Variants in IL17RE observed in about 807,000 individuals in gnomAD.
IL17RE encodes the protein interleukin-17 receptor E.
Under a neutral mutation model 70.7 loss-of-function variants are expected in IL17RE, and 47 were observed. That is an observed-to-expected ratio of 0.67 (90% CI 0.53 to 0.85). The LOEUF is 0.85. Ranked by LOEUF, IL17RE falls within the 40% of genes least tolerant of loss-of-function variation. The pLI, the probability that IL17RE is intolerant of heterozygous loss-of-function variation, is 0.00. For missense variants in IL17RE, 850 were observed against 893.9 expected (o/e 0.95, Z 0.63); for synonymous variants, 372 against 381.2 (o/e 0.98, Z 0.28).
At chr3:9,906,589 T>A in intron 4 of IL17RE, 117 bp from the exon 5 acceptor site, 1 of 1,379,754 alleles carries the variant, frequency 7.2e-7, no homozygotes, top group Non-Finnish European at 1.0e-6. Flanking sequence ...ATTACACAGC[T>A]AGGGAGGCCA....
chr3:9,913,262 G>C (rs761492168), intron 12 of IL17RE, among the ~76,000 whole-genome samples: 6 of 151,948 alleles, frequency 3.9e-5, no homozygotes, highest in Non-Finnish European at 7.4e-5. Context: ...AAATTAGCTG[G>C]GCATGGTGGC....
chr3:9,902,810 G>C, upstream of IL17RE: 3 of 1,575,986 alleles, frequency 1.9e-6, no homozygotes, highest in South Asian at 3.5e-5. Context: ...GGCAGGGCGG[G>C]GCCAGGGCAG....
Position 9,914,473 on chromosome 3 carries a change from A to T in IL17RE, c.1297-75A>T, listed in dbSNP as rs569387142. 2.8e-4 allele frequency: 441 copies of T among 1,593,624 alleles called. 7 individuals are homozygous for T. In the South Asian group the frequency reaches 3.1e-3, roughly 11 times the overall value. On this transcript the variant is annotated intron_variant, in intron 13 of 15. Coordinates refer to ENST00000383814, the MANE Select transcript of IL17RE (RefSeq NM_153480.2). ...GCCAGTGGGGACTCCCCTCTCCCCCAGCTCCATGCTTCACTCAGCTCCCCG... is the reference window on the plus strand; with the variant it reads ...GCCAGTGGGGACTCCCCTCTCCCCCTGCTCCATGCTTCACTCAGCTCCCCG...
At chr3:9,907,552 A>G (rs983905634) in intron 6 of IL17RE, among the ~76,000 whole-genome samples, 8 of 152,298 alleles carry the variant, frequency 5.3e-5, no homozygotes, top group Middle Eastern at 3.4e-3. Context: ...TTTACCCCCA[A>G]TGAGAGGATC....
intron 7 of IL17RE, 60 bp from the exon 8 acceptor site, chr3:9,909,157 T>A (rs2082829472): frequency 7.2e-7 from 1 of 1,396,236 alleles, no homozygotes; most frequent in Non-Finnish European, 1.0e-6. Context: ...GAGTTTTAGG[T>A]CTGAGTGAGA....
In IL17RE at chr3:9,916,288, CT is replaced by C; in HGVS notation, c.*485del. 1 of 108,556 alleles carries C rather than the reference CT, an allele frequency of 9.2e-6. No individual in the cohort carries two copies. The highest frequency in any genetic ancestry group is 1.7e-5 in the Non-Finnish European group (1 of 59,578). The allele number at this position is 108,556 out of a possible 1,614,324, so 6.7% of individuals were successfully genotyped here. On this transcript the variant is annotated 3_prime_UTR_variant, in exon 16 of 16. Transcript: ENST00000383814. ...AGGACTCTGGACCTAGGAAAAGAGGCTTTTGGCTCCAGGTGGTCAGGACAGT... is the reference window on the plus strand; with the variant it reads ...AGGACTCTGGACCTAGGAAAAGAGGCTTTGGCTCCAGGTGGTCAGGACAGT...
At chr3:9,913,854 T>G in intron 12 of IL17RE, 102 bp from the exon 13 acceptor site, 1 of 905,070 alleles carries the variant, frequency 1.1e-6, no homozygotes, top group Non-Finnish European at 1.8e-6. Context: ...CCTCGTAGGA[T>G]TGGGGGTGTG....
chr3:9,908,892 G>T (rs1471529226), intron 7 of IL17RE, among the ~76,000 whole-genome samples: 3 of 152,204 alleles, frequency 2.0e-5, no homozygotes, highest in African/African-American at 7.2e-5. Context: ...CCAACACAGA[G>T]CACTGGGTGC....
chr3:9,906,332 G>A (rs1219161931), intron 3 of IL17RE, 32 bp from the exon 4 acceptor site: 1 of 1,367,306 alleles, frequency 7.3e-7, no homozygotes, highest in Non-Finnish European at 1.0e-6. Flanking sequence ...GGGTAATGAG[G>A]GCTAGATAGT....
chr3:9,911,785 ATTTTCTTTT>A (rs374435682), intron 12 of IL17RE, 188 bp downstream of exon 12: 9 of 495,864 alleles, frequency 1.8e-5, no homozygotes, highest in African/African-American at 1.2e-4. Context: ...TCAAGGGAGC[ATTTTCTTTT>A]TTTTCTTTTT....
At position 9,915,915 on chromosome 3, in the gene IL17RE, C is replaced by G; in HGVS notation, c.*108C>G. 1 of 1,339,850 alleles carries G rather than the reference C, an allele frequency of 7.5e-7. No individual in the cohort carries two copies. The highest frequency in any genetic ancestry group is 9.5e-7 in the Non-Finnish European group (1 of 1,047,122). The allele number at this position is 1,339,850 out of a possible 1,614,324, so 83.0% of individuals were successfully genotyped here. A position where few individuals can be genotyped will look rare whatever the true frequency, so the allele number is the denominator to read the frequency against. ...TGAAATCCTTGGGGTGCCTCGAGGA[C>G]GACTGGCCGAAAAGCCGCATTCCCT... On this transcript the variant is annotated 3_prime_UTR_variant, in exon 16 of 16. Coordinates refer to ENST00000383814, the MANE Select transcript of IL17RE (RefSeq NM_153480.2). The surrounding 1 kb of genome is among the most constrained non-coding windows in gnomAD (Gnocchi z 4.9).
chr3:9,908,937 C>G (rs2082823432), intron 7 of IL17RE, among the ~76,000 whole-genome samples: 1 of 152,092 alleles, frequency 6.6e-6, no homozygotes, highest in Non-Finnish European at 1.5e-5. Flanking sequence ...CCAGAGAAGA[C>G]CAAAGCTGAG....
At chr3:9,909,321 C>T (rs950808233) in intron 8 of IL17RE, 38 bp downstream of exon 8, 2 of 1,540,920 alleles carry the variant, frequency 1.3e-6, no homozygotes, top group South Asian at 1.1e-5. Flanking sequence ...GCACACACAT[C>T]CCCTTTCTCT....
At chr3:9,913,594 G>T (rs1421479476) in intron 12 of IL17RE, among the ~76,000 whole-genome samples, 1 of 152,170 alleles carries the variant, frequency 6.6e-6, no homozygotes, top group African/African-American at 2.4e-5. Context: ...TCTTTTCAAT[G>T]ATATGTTTTG....
chr3:9,910,770 T>G, intron 8 of IL17RE, 95 bp from the exon 9 acceptor site: 1 of 1,115,386 alleles, frequency 9.0e-7, no homozygotes, highest in Non-Finnish European at 1.3e-6. Context: ...TGGTTACTTT[T>G]ACAAACATTA....
At position 9,902,926 on chromosome 3, in the gene IL17RE, G is replaced by A. The variant is rs2082668733; in HGVS notation, c.-7G>A. 2 of 1,614,126 alleles carry A rather than the reference G, an allele frequency of 1.2e-6. No individual in the cohort carries two copies. The highest frequency in any genetic ancestry group is 1.7e-5 in the Admixed American group (1 of 60,012). On this transcript the variant is annotated 5_prime_UTR_variant, in exon 1 of 16. Coordinates refer to ENST00000383814, the MANE Select transcript of IL17RE (RefSeq NM_153480.2). ...ATGTTCCGGGAGCCCTAATTGCACA[G>A]AAGCCCATGGGGAGCTCCAGACTGG...
chr3:9,903,159 G>C (rs987589592), intron 1 of IL17RE, 95 bp downstream of exon 1: 2 of 1,198,782 alleles, frequency 1.7e-6, no homozygotes, highest in Non-Finnish European at 1.2e-6. Context: ...CAGTCCCTGT[G>C]CTCTGGTGGC....
At chr3:9,911,763 A>C in intron 12 of IL17RE, 166 bp downstream of exon 12, 1 of 616,424 alleles carries the variant, frequency 1.6e-6, no homozygotes, top group South Asian at 2.5e-5. Flanking sequence ...TAACTTGCTG[A>C]CAGTAGGTTC....
In IL17RE at chr3:9,910,943, G is replaced by A. The variant is rs144937970; in HGVS notation, c.881G>A (p.Arg294His). The change falls in exon 9 of 16, where the codon CGC becomes CAC. Residue 294 changes from arginine to histidine, a missense_variant. Transcript: ENST00000383814. ...HTQMVMALTLRCPLKLEAALC... is the reference protein window; with the variant it reads ...HTQMVMALTLHCPLKLEAALC... ...CAGATGGTCATGGCCCTGACACTCC[G>A]CTGCCCACTGAAGCTGGAAGCTGCC... 6.7e-3 allele frequency: 10,736 copies of A among 1,614,132 alleles called. 53 individuals are homozygous for A. Among genetic ancestry groups the A allele is most frequent in the Non-Finnish European group, 8.2e-3 (9,650 of 1,180,034 alleles).
Sources: allele counts gnomAD v4.1 joint callset (sites outside exome capture counted in the v4.1 genomes callset), GRCh38; gene constraint gnomAD v4.1.1; non-coding constraint Gnocchi (gnomAD v3.1); transcripts MANE v1.5; gene names NCBI Gene and HGNC (gene_info 2026-07-23, HGNC 2026-07-21).